Variants in ZNF423 observed in about 807,000 individuals in gnomAD.
ZNF423 encodes zinc finger protein 423.
In ZNF423, 12 loss-of-function variants were observed where a neutral mutation model predicts 95.8. The ratio of observed to expected loss-of-function variants is 0.13; its 90% CI spans 0.08 to 0.20. The LOEUF is 0.20. Among genes scored for constraint, ZNF423 ranks in the 10% least tolerant of loss-of-function variants. The probability of loss-of-function intolerance (pLI) is 1.00; values close to 1 mark genes in which losing one functional copy is unlikely to be tolerated. For synonymous variants in ZNF423, 749 were observed against 711.9 expected (o/e 1.05, Z -0.83); for missense variants, 1,316 against 1,737.1 (o/e 0.76, Z 4.31).
At chr16:49,701,671 G>A (rs1329863676) in intron 3 of ZNF423, among the ~76,000 whole-genome samples, 1 of 152,136 alleles carries the variant, frequency 6.6e-6, no homozygotes, top group East Asian at 1.9e-4. Flanking sequence ...CTTCGACACT[G>A]GGTGTTTAAA....
At chr16:49,660,126 A>C (rs2030127325) in intron 3 of ZNF423, among the ~76,000 whole-genome samples, 1 of 152,168 alleles carries the variant, frequency 6.6e-6, no homozygotes, top group Admixed American at 6.5e-5. Flanking sequence ...CCTGGAGACA[A>C]TTCTGATAAG....
intron 3 of ZNF423, among the ~76,000 whole-genome samples, chr16:49,696,028 G>T (rs974142373): frequency 6.6e-6 from 1 of 152,162 alleles, no homozygotes; most frequent in African/African-American, 2.4e-5. Context: ...AGGGCCAGAC[G>T]TGTGATCTCA....
chr16:49,748,829 T>C (rs2033576682), intron 2 of ZNF423, among the ~76,000 whole-genome samples: 1 of 152,152 alleles, frequency 6.6e-6, no homozygotes, highest in South Asian at 2.1e-4. Context: ...AGGTCACTGC[T>C]AGAGGGTGGT....
rs61428028 is a variant in ZNF423, at chr16:49,615,130, T to TCACACACACACACACACACA, written c.3601+11020_3601+11039dup. 4.6e-3 allele frequency among the ~76,000 whole-genome samples: 649 copies of TCACACACACACACACACACA among 141,200 alleles called. 7 individuals are homozygous for TCACACACACACACACACACA. The highest frequency in any genetic ancestry group is 0.016 in the African/African-American group (597 of 36,736). The allele number at this position is 141,200 out of a possible 152,430, so 92.6% of individuals were successfully genotyped here. A position where few individuals can be genotyped will look rare whatever the true frequency, so the allele number is the denominator to read the frequency against. On this transcript the variant is annotated intron_variant, in intron 5 of 7. Coordinates refer to ENST00000563137, the MANE Select transcript of ZNF423 (RefSeq NM_001379286.1). ...TGGGCAACAAGAAAGAAACTCCATC[T>TCACACACACACACACACACA]CACACACACACACACACACACACAC...
At chr16:49,739,703 T>G (rs537053465) in intron 2 of ZNF423, among the ~76,000 whole-genome samples, 1,726 of 149,992 alleles carry the variant, frequency 0.012, 44 homozygotes, top group African/African-American at 0.04. Context: ...TTGGTTTTTT[T>G]TTTTTTTTTT....
In ZNF423 at chr16:49,855,014, A is replaced by G. The variant is rs1486411270; in HGVS notation, c.40+721T>C. 3.0e-6 allele frequency: 3 copies of G among 984,412 alleles called. No homozygotes were observed. The African/African-American group carries it at 5.3e-5, about 17-fold the overall frequency. The allele number at this position is 984,412 out of a possible 1,614,324, so 61.0% of individuals were successfully genotyped here. A position where few individuals can be genotyped will look rare whatever the true frequency, so the allele number is the denominator to read the frequency against. On this transcript the variant is annotated intron_variant, in intron 1 of 7. Transcript: ENST00000563137. The surrounding 1 kb of genome is among the most constrained non-coding windows in gnomAD (Gnocchi z 4.7). ...GCACCGCGGCCGCTGAGCTCCCCTG[A>G]GGACCTGCGTCCCGCCGGCGCCGTG... is the stretch of plus-strand genomic sequence containing the variant.
chr16:49,791,573 C>T (rs988328879), intron 1 of ZNF423, among the ~76,000 whole-genome samples: 1 of 152,172 alleles, frequency 6.6e-6, no homozygotes, highest in African/African-American at 2.4e-5. Flanking sequence ...ACACCTTCCA[C>T]AAGGTCTCCA....
At chr16:49,666,141 C>A (rs186155722) in intron 3 of ZNF423, among the ~76,000 whole-genome samples, 2 of 152,298 alleles carry the variant, frequency 1.3e-5, no homozygotes, top group East Asian at 3.9e-4. Flanking sequence ...CCTGGCTGGC[C>A]CCCGCCTCCC....
intron 3 of ZNF423, among the ~76,000 whole-genome samples, chr16:49,688,098 A>G (rs1381773275): frequency 1.3e-5 from 1 of 76,400 alleles, no homozygotes; most frequent in Non-Finnish European, 2.5e-5. Flanking sequence ...GAGAGGGAAA[A>G]AAAAAAAAAA....
chr16:49,822,651 C>T (rs749587483), intron 1 of ZNF423: 4 of 1,605,830 alleles, frequency 2.5e-6, no homozygotes, highest in Non-Finnish European at 3.4e-6. Context: ...CCCCTCAGCC[C>T]AAGGCCTCCC....
chr16:49,650,728 AC>A (rs1350704586), intron 3 of ZNF423, among the ~76,000 whole-genome samples: 3 of 152,220 alleles, frequency 2.0e-5, no homozygotes, highest in African/African-American at 7.2e-5. Context: ...TTGTGTGGTC[AC>A]CCCAGTAATG....
At chr16:49,751,331 C>T (rs1355430196) in intron 2 of ZNF423, among the ~76,000 whole-genome samples, 2 of 152,132 alleles carry the variant, frequency 1.3e-5, no homozygotes, top group African/African-American at 4.8e-5. Flanking sequence ...AAGTGATCCT[C>T]CCACCTCAGC....
chr16:49,692,241 C>T (rs2031812268), intron 3 of ZNF423, among the ~76,000 whole-genome samples: 1 of 152,146 alleles, frequency 6.6e-6, no homozygotes, highest in Non-Finnish European at 1.5e-5. Context: ...AGGGGTGAGC[C>T]ACCACACCTG....
At chr16:49,790,033 C>A (rs1285691133) in intron 1 of ZNF423, among the ~76,000 whole-genome samples, 3 of 152,292 alleles carry the variant, frequency 2.0e-5, no homozygotes, top group East Asian at 3.9e-4. Flanking sequence ...CCCACAGAAC[C>A]AAGCTGGGCA....
intron 3 of ZNF423, among the ~76,000 whole-genome samples, chr16:49,722,785 C>A (rs1413978619): frequency 6.6e-6 from 1 of 152,140 alleles, no homozygotes; most frequent in African/African-American, 2.4e-5. Context: ...CCAAAGCAAT[C>A]CTGCGGAGAG....
At chr16:49,733,609 A>G (rs1215024170) in intron 2 of ZNF423, among the ~76,000 whole-genome samples, 1 of 152,216 alleles carries the variant, frequency 6.6e-6, no homozygotes, top group Non-Finnish European at 1.5e-5. Flanking sequence ...CCGGCTACTA[A>G]TGGGAAGGGA....
chr16:49,517,394 A>T (rs1367152368), intron 7 of ZNF423, among the ~76,000 whole-genome samples: 1 of 152,214 alleles, frequency 6.6e-6, no homozygotes, highest in Non-Finnish European at 1.5e-5. Context: ...AAAATGCTCG[A>T]AGACAACTGT....
intron 1 of ZNF423, among the ~76,000 whole-genome samples, chr16:49,816,378 G>A (rs2034856353): frequency 6.6e-6 from 1 of 152,128 alleles, no homozygotes; most frequent in Non-Finnish European, 1.5e-5. Context: ...TGACATGAGA[G>A]GTGCTTGGAA....
chr16:49,589,811 A>G (rs1970951315), intron 5 of ZNF423, among the ~76,000 whole-genome samples: 1 of 152,012 alleles, frequency 6.6e-6, no homozygotes, highest in South Asian at 2.1e-4. Flanking sequence ...TGGCTCCCAC[A>G]CAGCTGAGTT....
Sources: allele counts gnomAD v4.1 joint callset (sites outside exome capture counted in the v4.1 genomes callset), GRCh38; gene constraint gnomAD v4.1.1; non-coding constraint Gnocchi (gnomAD v3.1); transcripts MANE v1.5; gene names NCBI Gene and HGNC (gene_info 2026-07-23, HGNC 2026-07-21).